Variants in TBC1D8 observed in about 807,000 individuals in gnomAD.
TBC1D8 encodes TBC1 domain family member 8, also known as BUB2-like protein 1.
TBC1D8 carries 65 observed loss-of-function variants against 118.8 expected under a neutral mutation model. The observed-to-expected ratio is 0.55, with a 90% CI of 0.45 to 0.67. The LOEUF is 0.67. TBC1D8 is among the 30% of genes least tolerant of loss of function. The pLI is 0.00. For missense variants in TBC1D8, 1,376 were observed against 1,471.2 expected (o/e 0.94, Z 1.06); for synonymous variants, 566 against 595.8 (o/e 0.95, Z 0.73).
At chr2:101,023,502 G>A (rs1272666886) in intron 15 of TBC1D8, 1 of 326,012 alleles carries the variant, frequency 3.1e-6, no homozygotes, top group Non-Finnish European at 6.2e-6. Flanking sequence ...GGATACAGAA[G>A]GAACTAATAA....
chr2:101,109,142 G>A (rs1171409277), intron 1 of TBC1D8, among the ~76,000 whole-genome samples: 1 of 152,148 alleles, frequency 6.6e-6, no homozygotes, highest in Non-Finnish European at 1.5e-5. Flanking sequence ...AGGAAACCAG[G>A]GTTGGGGTGG....
rs116794923 is a variant in TBC1D8, at chr2:101,093,510, T to C, written c.128-3146A>G. Among the ~76,000 whole-genome samples the C allele has an allele frequency of 3.3e-4, 50 of 152,160 alleles. 1 individual carries two copies. Among genetic ancestry groups the C allele is most frequent in the African/African-American group, 1.2e-3 (49 of 41,544 alleles). The stretch of plus-strand genomic sequence containing the variant: ...GAGTTCTCATTTCTTTCCATATTTG[T>C]AACTCCTTTTCCAACACCAAGTAAA... On this transcript the variant is annotated intron_variant, in intron 1 of 19. Coordinates refer to ENST00000409318, the MANE Select transcript of TBC1D8 (RefSeq NM_001330348.2).
chr2:101,019,138 C>G, intron 17 of TBC1D8: 1 of 1,500,994 alleles, frequency 6.7e-7, no homozygotes, highest in East Asian at 2.4e-5. Flanking sequence ...CCGAGGACGT[C>G]TGTCTCCCAT....
chr2:101,137,325 G>A (rs969209655), intron 1 of TBC1D8, among the ~76,000 whole-genome samples: 3 of 150,850 alleles, frequency 2.0e-5, no homozygotes, highest in Non-Finnish European at 3.0e-5. Flanking sequence ...GAGCCACCAC[G>A]TTTTTGAGAC....
intron 11 of TBC1D8, 55 bp from the exon 12 acceptor site, chr2:101,029,831 C>A: frequency 1.3e-6 from 2 of 1,545,410 alleles, no homozygotes; most frequent in South Asian, 1.2e-5. Context: ...TCTCTAAGGT[C>A]AGTCTGAAAT....
chr2:101,026,653 TTC>T (rs1258698123), intron 15 of TBC1D8, among the ~76,000 whole-genome samples: 1 of 152,130 alleles, frequency 6.6e-6, no homozygotes, highest in African/African-American at 2.4e-5. Context: ...CAGGCTTGCT[TTC>T]TGCAACTGCG....
intron 17 of TBC1D8, among the ~76,000 whole-genome samples, chr2:101,020,004 C>T (rs553720324): frequency 2.7e-5 from 4 of 148,570 alleles, no homozygotes; most frequent in South Asian, 4.4e-4. Flanking sequence ...ACCCGGGAGG[C>T]GGAGCTTGCA....
chr2:101,094,646 A>AG (rs1676272061), intron 1 of TBC1D8, among the ~76,000 whole-genome samples: 2 of 152,160 alleles, frequency 1.3e-5, no homozygotes, highest in African/African-American at 4.8e-5. Context: ...TTTTCTCTAC[A>AG]AGACTCAGGT....
At position 101,022,448 on chromosome 2, in the gene TBC1D8, T is replaced by A. The variant is rs1306256823; in HGVS notation, c.2594A>T (p.Tyr865Phe). The change falls in exon 16 of 20, where the codon TAT (tyrosine) becomes TTT (phenylalanine). Residue 865 changes from tyrosine to phenylalanine, a missense_variant. Tyr to Phe is a conservative substitution (Grantham distance 22). Coordinates refer to ENST00000409318, the MANE Select transcript of TBC1D8 (RefSeq NM_001330348.2). ...MASRHDPSRP[Y>F]AEQYRIDARQ... The stretch of plus-strand genomic sequence containing the variant: ...GGCATCTATGCGGTACTGCTCAGCA[T>A]AGGGCCGGCTGGGGTCGTGGCGTGA... 1.9e-6 allele frequency: 3 copies of A among 1,611,070 alleles called. No individual in the cohort carries two copies. The Admixed American group carries it at 5.1e-5, about 27-fold the overall frequency.
chr2:101,037,716 G>C lies in TBC1D8; in HGVS notation c.1276-8C>G, dbSNP rs1413503853. The stretch of plus-strand genomic sequence containing the variant: ...ATGAAACACGAGTGAAGCCTGCACA[G>C]CAAGAGAGACAGAGACAGAGAGAGA... On this transcript the variant is annotated splice_region_variant and splice_polypyrimidine_tract_variant and intron_variant, in intron 7 of 19. Coordinates refer to ENST00000409318, the MANE Select transcript of TBC1D8 (RefSeq NM_001330348.2). 1.9e-6 allele frequency: 3 copies of C among 1,612,066 alleles called. No individual in the cohort carries two copies. Among genetic ancestry groups the C allele is most frequent in the Non-Finnish European group, 1.7e-6 (2 of 1,179,892 alleles).
Position 101,110,543 on chromosome 2 carries a change from G to A in TBC1D8, c.128-20179C>T, listed in dbSNP as rs139209200. ...AAGGACTTCTCACTATACACAAGCC[G>A]TTAAACAGTGATGGCTCCTTCACGG... On this transcript the variant is annotated intron_variant, in intron 1 of 19. Transcript: ENST00000409318. 1.8e-4 allele frequency among the ~76,000 whole-genome samples: 27 copies of A among 152,234 alleles called. 1 individual carries two copies. The highest frequency in any genetic ancestry group is 5.1e-4 in the African/African-American group (21 of 41,534).
Position 101,106,253 on chromosome 2 carries a change from G to C in TBC1D8, c.128-15889C>G, listed in dbSNP as rs143885238. 5.8e-4 allele frequency among the ~76,000 whole-genome samples: 89 copies of C among 152,350 alleles called. 1 individual carries two copies. In the East Asian group the frequency reaches 7.5e-3, roughly 13 times the overall value. On this transcript the variant is annotated intron_variant, in intron 1 of 19. Coordinates refer to ENST00000409318, the MANE Select transcript of TBC1D8 (RefSeq NM_001330348.2). ...TCAAACATAGGGGAATTTTAGGGCAGTGAAAACTATTCTGTATAATATTGT... is the reference window on the plus strand; with the variant it reads ...TCAAACATAGGGGAATTTTAGGGCACTGAAAACTATTCTGTATAATATTGT...
intron 1 of TBC1D8, among the ~76,000 whole-genome samples, chr2:101,118,467 C>T (rs113659547): frequency 0.14 from 21,668 of 151,580 alleles, 1,542 homozygotes; most frequent in African/African-American, 0.16. Context: ...GAGGCCAAGG[C>T]GGGTGGATCA....
At chr2:101,091,293 G>T (rs1179303642) in intron 1 of TBC1D8, among the ~76,000 whole-genome samples, 2 of 152,058 alleles carry the variant, frequency 1.3e-5, no homozygotes, top group African/African-American at 4.8e-5. Flanking sequence ...CTCAAAAAAA[G>T]AAAAAGAAAA....
In TBC1D8 at chr2:101,028,094, C is replaced by T; in HGVS notation, c.2405G>A (p.Arg802Lys). 4.3e-6 allele frequency: 7 copies of T among 1,614,000 alleles called. No individual in the cohort carries two copies. Among genetic ancestry groups the T allele is most frequent in the Non-Finnish European group, 5.9e-6 (7 of 1,179,906 alleles). Residue 802 changes from arginine (R) to lysine (K), a missense_variant, in exon 14 of 20, where the codon AGG (arginine) becomes AAG (lysine). Coordinates refer to ENST00000409318, the MANE Select transcript of TBC1D8 (RefSeq NM_001330348.2). ...CTCGTGGCCTTGGAGGACCCTGATC[C>T]TGTGCTTGTAACGTAGGTGCTCGAT... ...EQIEHLRYKH[R>K]IRVLQGHEDT...
At chr2:101,044,494 C>T (rs775630125) in intron 5 of TBC1D8, among the ~76,000 whole-genome samples, 7 of 152,214 alleles carry the variant, frequency 4.6e-5, no homozygotes, top group Non-Finnish European at 8.8e-5. Context: ...GCTCACAGCC[C>T]GCTTCTCAGA....
chr2:101,060,943 T>C (rs1000886036), intron 2 of TBC1D8, among the ~76,000 whole-genome samples: 4 of 152,034 alleles, frequency 2.6e-5, no homozygotes, highest in African/African-American at 9.7e-5. Flanking sequence ...ATCCCAGCAC[T>C]TTGGGAGGCC....
At chr2:101,038,356 C>G in intron 7 of TBC1D8, 105 bp downstream of exon 7, 1 of 1,284,952 alleles carries the variant, frequency 7.8e-7, no homozygotes, top group Non-Finnish European at 1.1e-6. Flanking sequence ...ACACAGGCCC[C>G]GCATTCTTCT....
intron 2 of TBC1D8, among the ~76,000 whole-genome samples, chr2:101,073,497 T>C (rs1674610930): frequency 2.0e-5 from 3 of 152,172 alleles, no homozygotes; most frequent in South Asian, 2.1e-4. Context: ...GGTTTCACCG[T>C]GTTAGCCAGG....
Sources: allele counts gnomAD v4.1 joint callset (sites outside exome capture counted in the v4.1 genomes callset), GRCh38; gene constraint gnomAD v4.1.1; transcripts MANE v1.5; gene names NCBI Gene and HGNC (gene_info 2026-07-23, HGNC 2026-07-21).